Variants in TP53I13 observed in about 807,000 individuals in gnomAD.
The protein encoded by TP53I13 is tumor protein p53 inducible protein 13.
Under a neutral mutation model 39.1 loss-of-function variants are expected in TP53I13, and 27 were observed. That is an observed-to-expected ratio of 0.69 (90% CI 0.51 to 0.95). The LOEUF is 0.95. Among genes scored for constraint, TP53I13 ranks in the 40% least tolerant of loss-of-function variants. TP53I13 has a pLI of 0.00. For synonymous variants in TP53I13, 230 were observed against 224.6 expected, an observed-to-expected ratio of 1.02 and a Z score of -0.22; for missense variants, 544 against 520.4, an observed-to-expected ratio of 1.05 and a Z score of -0.44.
chr17:29,580,766 GTTTC>G, the TP53I13 span, among the ~76,000 whole-genome samples: 6 of 151,040 alleles, frequency 4.0e-5, no homozygotes, highest in Admixed American at 6.6e-5. Context: ...GGTAGCTTCT[GTTTC>G]TTTTTCTTTT....
chr17:29,582,004 C>T, the TP53I13 span: 2 of 1,612,816 alleles, frequency 1.2e-6, no homozygotes, highest in South Asian at 1.1e-5. Flanking sequence ...GCAGCTCGGC[C>T]TGCAGTGTCT....
At chr17:29,578,582 AG>A in the TP53I13 span, 70 of 858,962 alleles carry the variant, frequency 8.1e-5, no homozygotes, top group African/African-American at 1.6e-4. Context: ...TAGGGAGGTC[AG>A]GGAGAGGGGA....
At chr17:29,577,838 C>T (rs548189860), downstream of TP53I13, 48 of 764,324 alleles carry the variant, frequency 6.3e-5, 1 homozygote, top group East Asian at 9.9e-4. Context: ...GCTGCCCCCA[C>T]GCCTACTGAG....
chr17:29,570,490 G>C (rs1175900177), intron 3 of TP53I13: 2 of 150,820 alleles, frequency 1.3e-5, no homozygotes, highest in Non-Finnish European at 3.0e-5. Flanking sequence ...CCTGGCGACA[G>C]AGCGAGACTG....
chr17:29,566,304 G>A (rs1166176939), upstream of TP53I13: 1 of 1,611,736 alleles, frequency 6.2e-7, no homozygotes. Flanking sequence ...GGAAGCGGAT[G>A]TATGTGACCG....
chr17:29,581,908 C>A, the TP53I13 span: 1 of 1,609,044 alleles, frequency 6.2e-7, no homozygotes, highest in Admixed American at 1.7e-5. The surrounding 1 kb of genome is among the most constrained non-coding windows in gnomAD (Gnocchi z 4.8). Flanking sequence ...CCACACTGCA[C>A]CCTTCAGCCG....
At chr17:29,569,188 GC>G in intron 2 of TP53I13, 102 bp downstream of exon 2, 1 of 1,478,006 alleles carries the variant, frequency 6.8e-7, no homozygotes, top group Non-Finnish European at 9.2e-7. Context: ...GAGGACCTCT[GC>G]CGGTTCCTCA....
intron 3 of TP53I13, 182 bp from the exon 4 acceptor site, chr17:29,571,409 T>C (rs1598552806): frequency 1.4e-6 from 1 of 717,684 alleles, no homozygotes; most frequent in East Asian, 2.8e-5. Flanking sequence ...AAAGGAACAC[T>C]CAGAGGCAAG....
At position 29,568,936 on chromosome 17, in the gene TP53I13, C is replaced by G; in HGVS notation, c.73-82C>G. ...GCGCCGAGGGGGACGCGGAGTTCTT[C>G]CGCTGGCGGGCTGGGCCTGGGGAGA... On this transcript the variant is annotated intron_variant, in intron 1 of 6. Coordinates refer to ENST00000301057, the MANE Select transcript of TP53I13 (RefSeq NM_138349.4). This position sits in a 1 kb window ranked among gnomAD's most constrained non-coding sequence, Gnocchi z 4.5. 6.3e-7 allele frequency: 1 copy of G among 1,595,452 alleles called. No individual in the cohort carries two copies. Among genetic ancestry groups the G allele is most frequent in the South Asian group, 1.1e-5 (1 of 89,898 alleles).
the TP53I13 span, chr17:29,581,974 G>C: frequency 1.9e-6 from 3 of 1,612,894 alleles, no homozygotes; most frequent in Non-Finnish European, 2.5e-6. This position sits in a 1 kb window ranked among gnomAD's most constrained non-coding sequence, Gnocchi z 4.8. Flanking sequence ...GGGAGCCAGG[G>C]TCAGCCCCAT....
chr17:29,576,404 C>G, downstream of TP53I13: 1 of 1,613,288 alleles, frequency 6.2e-7, no homozygotes, highest in Non-Finnish European at 8.5e-7. Flanking sequence ...GGGCACCGGC[C>G]CTGGAGGCTG....
the TP53I13 span, chr17:29,581,134 G>C: frequency 3.3e-6 from 2 of 603,100 alleles, no homozygotes; most frequent in South Asian, 3.8e-5. The surrounding 1 kb of genome is among the most constrained non-coding windows in gnomAD (Gnocchi z 4.8). Context: ...ACGGGGCTCA[G>C]GCTATGCGGG....
At chr17:29,577,635 G>GCC (rs766555169), downstream of TP53I13, 4 of 1,567,552 alleles carry the variant, frequency 2.6e-6, no homozygotes, top group Admixed American at 5.0e-5. Flanking sequence ...CCCCAATCCA[G>GCC]CCCCCTCACC....
At position 29,568,770 on chromosome 17, in the gene TP53I13, T is replaced by G. The variant is rs1331924941; in HGVS notation, c.12T>G (p.Pro4=). Residue 4 remains proline (P), a synonymous_variant, in exon 1 of 7, where the codon CCT becomes CCG. Coordinates refer to ENST00000301057, the MANE Select transcript of TP53I13 (RefSeq NM_138349.4). This position sits in a 1 kb window ranked among gnomAD's most constrained non-coding sequence, Gnocchi z 4.5. ...CGGGGCCGCTTGGAATGGCGCCTCC[T>G]CCGCCTTCGCCCCAACTGCTTCTCC... MAP[P]PPSPQLLLLA... 2 of 1,589,206 alleles carry G rather than the reference T, an allele frequency of 1.3e-6. No individual in the cohort carries two copies. Among genetic ancestry groups the G allele is most frequent in the Non-Finnish European group, 1.7e-6 (2 of 1,175,434 alleles).
chr17:29,576,330 G>C, downstream of TP53I13: 1 of 1,613,226 alleles, frequency 6.2e-7, no homozygotes, highest in South Asian at 1.1e-5. Flanking sequence ...CGATCCCTGC[G>C]GTGTGTGCTC....
downstream of TP53I13, chr17:29,576,700 A>G: frequency 6.2e-7 from 1 of 1,612,984 alleles, no homozygotes; most frequent in East Asian, 2.2e-5. Context: ...TAAGCTGGTC[A>G]GCACCTGGGG....
At chr17:29,576,854 G>T, downstream of TP53I13, 3 of 1,576,438 alleles carry the variant, frequency 1.9e-6, no homozygotes, top group South Asian at 1.1e-5. Flanking sequence ...AGGAGGGTGG[G>T]ACTCAGACCC....
the TP53I13 span, among the ~76,000 whole-genome samples, chr17:29,579,533 G>A: frequency 3.3e-5 from 5 of 152,192 alleles, no homozygotes; most frequent in South Asian, 4.2e-4. Flanking sequence ...TTCGCTTGAG[G>A]CCAGGAGGTG....
chr17:29,572,851 T>G lies in TP53I13; in HGVS notation c.1109T>G (p.Val370Gly). 6.6e-7 allele frequency: 1 copy of G among 1,503,954 alleles called. No individual in the cohort carries two copies. The highest frequency in any genetic ancestry group is 1.2e-5 in the South Asian group (1 of 81,954). 93.2% of individuals were successfully genotyped at this position (1,503,954 alleles called of 1,614,324 possible). ...AGGCTGCTGCAGCCCTCGCGCCGGG[T>G]CAAGCGCTCGCGCCGGAGACCCCTC... ...KRRLLQPSRRVKRSRRRPLLP... is the reference protein window; with the variant it reads ...KRRLLQPSRRGKRSRRRPLLP... The change falls in exon 7 of 7, where the codon GTC becomes GGC. Residue 370 changes from valine (V) to glycine (G), a missense_variant. Physicochemically the swap from Val to Gly is moderately radical, Grantham distance 109. Coordinates refer to ENST00000301057, the MANE Select transcript of TP53I13 (RefSeq NM_138349.4).
Sources: allele counts gnomAD v4.1 joint callset (sites outside exome capture counted in the v4.1 genomes callset), GRCh38; gene constraint gnomAD v4.1.1; non-coding constraint Gnocchi (gnomAD v3.1); transcripts MANE v1.5; gene names NCBI Gene and HGNC (gene_info 2026-07-23, HGNC 2026-07-21).